The following RUNDC3B variants were observed in gnomAD, a reference collection of about 807,000 sequenced individuals.
RUNDC3B encodes the protein RUN domain containing 3B.
A neutral mutation model predicts 58.4 loss-of-function variants in RUNDC3B; 33 were observed. That is an observed-to-expected ratio of 0.56 (90% CI 0.43 to 0.75). RUNDC3B has a LOEUF of 0.75. RUNDC3B is among the 30% of genes least tolerant of loss of function. The pLI is 0.00. For synonymous variants in RUNDC3B, 193 were observed against 195.2 expected (o/e 0.99, Z 0.10); for missense variants, 501 against 535.7 (o/e 0.94, Z 0.64).
chr7:87,773,586 A>C (rs143652103), intron 7 of RUNDC3B, among the ~76,000 whole-genome samples: 160 of 152,302 alleles, frequency 1.1e-3, no homozygotes, highest in African/African-American at 3.8e-3. Flanking sequence ...TAGAACATAT[A>C]ACCTTTTCAA....
intron 9 of RUNDC3B, among the ~76,000 whole-genome samples, chr7:87,809,430 T>TA (rs35596865): frequency 0.048 from 7,340 of 152,268 alleles, 259 homozygotes; most frequent in East Asian, 0.092. Flanking sequence ...CTCTGCTACT[T>TA]ACGTAATGTG....
At chr7:87,761,254 T>G (rs560032954) in intron 6 of RUNDC3B, among the ~76,000 whole-genome samples, 1 of 151,994 alleles carries the variant, frequency 6.6e-6, no homozygotes, top group East Asian at 1.9e-4. Flanking sequence ...ATTAGGGAAA[T>G]GCAAATTCAA....
chr7:87,644,225 CT>C (rs1822753625), intron 1 of RUNDC3B, among the ~76,000 whole-genome samples: 1 of 152,170 alleles, frequency 6.6e-6, no homozygotes, highest in East Asian at 1.9e-4. Context: ...GAAAATAGGC[CT>C]TCCAGTGAAC....
chr7:87,763,682 T>G (rs1423478443), intron 6 of RUNDC3B, among the ~76,000 whole-genome samples: 1 of 151,790 alleles, frequency 6.6e-6, no homozygotes, highest in African/African-American at 2.4e-5. Context: ...TACATTTAAT[T>G]TTTAAAGTTC....
chr7:87,635,419 C>T (rs1821669106), intron 1 of RUNDC3B, among the ~76,000 whole-genome samples: 5 of 152,086 alleles, frequency 3.3e-5, no homozygotes, highest in Admixed American at 3.3e-4. Context: ...TTAGTGCCAA[C>T]AATTTGTATT....
At chr7:87,640,663 C>G (rs2130288768) in intron 1 of RUNDC3B, among the ~76,000 whole-genome samples, 1 of 152,250 alleles carries the variant, frequency 6.6e-6, no homozygotes, top group South Asian at 2.1e-4. Context: ...TTTTTACACT[C>G]CAATTACATT....
chr7:87,637,374 T>A (rs1301482236), intron 1 of RUNDC3B, among the ~76,000 whole-genome samples: 2 of 152,212 alleles, frequency 1.3e-5, no homozygotes, highest in African/African-American at 4.8e-5. Context: ...TCTAGCTTTA[T>A]TTTTCAAGAT....
chr7:87,783,574 A>T (rs1226011617), intron 8 of RUNDC3B, among the ~76,000 whole-genome samples: 1 of 151,764 alleles, frequency 6.6e-6, no homozygotes, highest in African/African-American at 2.4e-5. Context: ...TGTAGTCTTG[A>T]TTTTTTAGTC....
intron 3 of RUNDC3B, among the ~76,000 whole-genome samples, chr7:87,705,545 A>G (rs1333505060): frequency 1.3e-5 from 2 of 152,256 alleles, no homozygotes; most frequent in African/African-American, 2.4e-5. Context: ...ATAGAATAAA[A>G]TATTTGAGTT....
At chr7:87,814,392 G>A (rs1490629340) in intron 9 of RUNDC3B, among the ~76,000 whole-genome samples, 2 of 152,082 alleles carry the variant, frequency 1.3e-5, no homozygotes, top group Non-Finnish European at 2.9e-5. Context: ...GAGCCACCAC[G>A]CCCGGCCGGA....
chr7:87,667,592 G>A (rs1825393003), intron 2 of RUNDC3B, among the ~76,000 whole-genome samples: 1 of 152,048 alleles, frequency 6.6e-6, no homozygotes, highest in Admixed American at 6.6e-5. Flanking sequence ...TCTGGCTTTT[G>A]CCCATTCAGC....
chr7:87,666,290 T>C (rs1825242141), intron 2 of RUNDC3B, among the ~76,000 whole-genome samples: 1 of 152,176 alleles, frequency 6.6e-6, no homozygotes, highest in Admixed American at 6.6e-5. Context: ...TATGCTTCCT[T>C]TGAAAAGTGT....
chr7:87,639,532 T>G (rs909946497), intron 1 of RUNDC3B, among the ~76,000 whole-genome samples: 1 of 152,176 alleles, frequency 6.6e-6, no homozygotes, highest in African/African-American at 2.4e-5. Context: ...TTTCTCCTTT[T>G]AGTTTTGTGA....
In RUNDC3B at chr7:87,774,271, G is replaced by A. The variant is rs376063979; in HGVS notation, c.798+3522G>A. On this transcript the variant is annotated intron_variant, in intron 7 of 10. Coordinates refer to ENST00000394654, the MANE Select transcript of RUNDC3B (RefSeq NM_001134405.2). ...TGTAAGTTGCCACACAACTTGTATAGTACTTGTAGAAATACTTAGATATTT... is the reference window on the plus strand; with the variant it reads ...TGTAAGTTGCCACACAACTTGTATAATACTTGTAGAAATACTTAGATATTT... Among the ~76,000 whole-genome samples, 66 of 152,148 alleles carry A rather than the reference G, an allele frequency of 4.3e-4. No individual in the cohort carries two copies. In the East Asian group the frequency reaches 6.0e-3, roughly 14 times the overall value.
intron 8 of RUNDC3B, among the ~76,000 whole-genome samples, chr7:87,781,319 T>G (rs1265767276): frequency 1.3e-5 from 2 of 152,080 alleles, no homozygotes; most frequent in Admixed American, 1.3e-4. Flanking sequence ...GTACAACTGA[T>G]TTTTATGCAT....
intron 4 of RUNDC3B, among the ~76,000 whole-genome samples, chr7:87,719,677 T>A (rs533551064): frequency 6.6e-5 from 10 of 151,770 alleles, no homozygotes; most frequent in African/African-American, 2.2e-4. Flanking sequence ...AAGTAAAAAA[T>A]AAACTTTAGT....
At chr7:87,790,896 CAG>C (rs1015253831) in intron 8 of RUNDC3B, among the ~76,000 whole-genome samples, 1 of 152,050 alleles carries the variant, frequency 6.6e-6, no homozygotes, top group Admixed American at 6.6e-5. Flanking sequence ...AGGAGGTAGA[CAG>C]AGAGATTGGG....
chr7:87,654,310 C>G (rs1485487230), intron 2 of RUNDC3B, among the ~76,000 whole-genome samples: 1 of 151,932 alleles, frequency 6.6e-6, no homozygotes, highest in African/African-American at 2.4e-5. Flanking sequence ...CTGGAGGCAT[C>G]AAAATACTTG....
intron 6 of RUNDC3B, among the ~76,000 whole-genome samples, chr7:87,749,325 T>G (rs1385624014): frequency 6.6e-6 from 1 of 152,212 alleles, no homozygotes; most frequent in South Asian, 2.1e-4. Context: ...ATTAGTAATA[T>G]AGATCCTGCA....
Sources: gnomAD v4.1 joint callset for allele counts (sites outside exome capture counted in the v4.1 genomes callset) on GRCh38, gnomAD v4.1.1 for gene constraint, MANE v1.5 for transcripts, NCBI Gene and HGNC (gene_info 2026-07-23, HGNC 2026-07-21) for gene names.